The following RXFP1 variants were observed in gnomAD, a reference collection of about 807,000 sequenced individuals.
The protein encoded by RXFP1 is relaxin receptor 1.
Under a neutral mutation model 89.8 loss-of-function variants are expected in RXFP1, and 73 were observed. That is an observed-to-expected ratio of 0.81 (90% CI 0.67 to 0.99). RXFP1 has a LOEUF of 0.99. RXFP1 is among the 50% of genes least tolerant of loss of function. The probability of loss-of-function intolerance (pLI) is 0.00; values close to 1 mark genes in which losing one functional copy is unlikely to be tolerated. For missense variants in RXFP1, 793 were observed against 895.5 expected (o/e 0.89, Z 1.46); for synonymous variants, 277 against 305.5 (o/e 0.91, Z 0.97).
At chr4:158,570,665 A>G (rs1448586136) in intron 1 of RXFP1, among the ~76,000 whole-genome samples, 1 of 151,084 alleles carries the variant, frequency 6.6e-6, no homozygotes, top group African/African-American at 2.4e-5. Context: ...TTTCCCTCCT[A>G]CCCTCCCCTC....
chr4:158,648,824 A>C (rs1772068259), intron 17 of RXFP1, 107 bp downstream of exon 17: 3 of 735,094 alleles, frequency 4.1e-6, no homozygotes, highest in Non-Finnish European at 6.5e-6. Flanking sequence ...AAAGAATTGT[A>C]CATCAGATCC....
chr4:158,633,586 A>G (rs760959610), intron 12 of RXFP1, 110 bp downstream of exon 12: 2 of 606,074 alleles, frequency 3.3e-6, no homozygotes, highest in Non-Finnish European at 2.8e-6. Context: ...GTTGAGTAGC[A>G]TTAGCTACAT....
intron 14 of RXFP1, among the ~76,000 whole-genome samples, chr4:158,639,851 C>A (rs1037810636): frequency 3.3e-5 from 5 of 151,932 alleles, no homozygotes; most frequent in Non-Finnish European, 7.4e-5. Flanking sequence ...CAGAGTGAGA[C>A]TCCATCTCAA....
At position 158,647,094 on chromosome 4, in the gene RXFP1, A is replaced by G; in HGVS notation, c.1649A>G (p.Lys550Arg). Residue 550 changes from lysine to arginine, a missense_variant, in exon 16 of 18, where the codon AAG becomes AGG. Physicochemically the swap from Lys to Arg is conservative, Grantham distance 26 (BLOSUM62 2). Transcript: ENST00000307765. ...FIVAFIPLSN[K>R]EFFKNYYGTN... is the part of the protein sequence containing the mutation. The stretch of plus-strand genomic sequence containing the variant: ...GTGGCTTTCATTCCATTGAGCAATA[A>G]GGAATTTTTCAAAAACTACTATGGC... The G allele has an allele frequency of 6.2e-7, 1 of 1,614,144 alleles. No individual in the cohort carries two copies.
rs563864248 is a variant in RXFP1, at chr4:158,644,542, C to T, written c.1116-367C>T. On this transcript the variant is annotated intron_variant, in intron 14 of 17. Coordinates refer to ENST00000307765, the MANE Select transcript of RXFP1 (RefSeq NM_021634.4). ...TCCCCTGAGGGATAGAAAGCAGTCA[C>T]TTGCAGCACAATAGGAGCTGTGTAA... is the stretch of plus-strand genomic sequence containing the variant. Among the ~76,000 whole-genome samples the T allele has an allele frequency of 1.1e-4, 17 of 152,284 alleles. No homozygotes were observed. In the South Asian group the frequency reaches 2.7e-3, roughly 24 times the overall value.
intron 2 of RXFP1, 184 bp downstream of exon 2, chr4:158,573,019 T>A: frequency 1.2e-6 from 1 of 843,194 alleles, no homozygotes; most frequent in Non-Finnish European, 1.6e-6. Flanking sequence ...CTTGTTTTTG[T>A]TTTTTTTTGA....
At chr4:158,605,841 T>C (rs931745720) in intron 5 of RXFP1, among the ~76,000 whole-genome samples, 2 of 152,224 alleles carry the variant, frequency 1.3e-5, no homozygotes, top group African/African-American at 4.8e-5. Context: ...TCAGGATTCA[T>C]TGTTTCATTT....
intron 2 of RXFP1, among the ~76,000 whole-genome samples, chr4:158,581,814 G>A (rs1249114049): frequency 6.6e-6 from 1 of 152,188 alleles, no homozygotes; most frequent in Non-Finnish European, 1.5e-5. Flanking sequence ...ATGAAGAAAA[G>A]AGGTTTATTT....
intron 9 of RXFP1, among the ~76,000 whole-genome samples, chr4:158,618,794 T>C (rs1451470433): frequency 6.6e-6 from 1 of 152,046 alleles, no homozygotes; most frequent in Non-Finnish European, 1.5e-5. Flanking sequence ...AACTGAAACC[T>C]ATATTAGTTC....
chr4:158,639,893 G>T (rs1296712122), intron 14 of RXFP1, among the ~76,000 whole-genome samples: 1 of 151,998 alleles, frequency 6.6e-6, no homozygotes, highest in East Asian at 1.9e-4. Context: ...AAGAGACTCT[G>T]GAGACGACCC....
intron 1 of RXFP1, among the ~76,000 whole-genome samples, chr4:158,558,406 C>T (rs1292628113): frequency 6.6e-6 from 1 of 152,166 alleles, no homozygotes; most frequent in East Asian, 1.9e-4. Flanking sequence ...AACAGAGATT[C>T]TCAGTAGAGA....
At chr4:158,604,925 T>G (rs1762305267) in intron 4 of RXFP1, 143 bp from the exon 5 acceptor site, 1 of 466,344 alleles carries the variant, frequency 2.1e-6, no homozygotes, top group Non-Finnish European at 3.9e-6. Flanking sequence ...TCAAGTGATA[T>G]GATAAATATG....
At chr4:158,573,075 C>G (rs1755449708) in intron 2 of RXFP1, 1 of 369,412 alleles carries the variant, frequency 2.7e-6, no homozygotes, top group Non-Finnish European at 4.7e-6. Flanking sequence ...GTGGCGTGAT[C>G]TCGGCTCACT....
At chr4:158,530,588 T>C (rs1743776432) in intron 1 of RXFP1, among the ~76,000 whole-genome samples, 1 of 152,228 alleles carries the variant, frequency 6.6e-6, no homozygotes, top group Admixed American at 6.5e-5. Flanking sequence ...CTCACACATT[T>C]CAAACTTAGA....
intron 10 of RXFP1, among the ~76,000 whole-genome samples, chr4:158,627,884 C>T (rs1012611054): frequency 4.9e-4 from 75 of 152,044 alleles, no homozygotes; most frequent in African/African-American, 1.8e-3. Flanking sequence ...TTCTATTGTA[C>T]TTGTATTTAT....
At chr4:158,559,160 G>A (rs2149928581) in intron 1 of RXFP1, among the ~76,000 whole-genome samples, 1 of 152,104 alleles carries the variant, frequency 6.6e-6, no homozygotes, top group Admixed American at 6.6e-5. Context: ...TAAAATTCTG[G>A]CTGGGCACAG....
At chr4:158,631,416 C>T (rs1767999945) in intron 11 of RXFP1, among the ~76,000 whole-genome samples, 1 of 152,188 alleles carries the variant, frequency 6.6e-6, no homozygotes, top group Non-Finnish European at 1.5e-5. Flanking sequence ...GAGCTAGGCA[C>T]TGGGTAGCCC....
At chr4:158,603,616 G>A (rs1472211323) in intron 4 of RXFP1, among the ~76,000 whole-genome samples, 8 of 151,890 alleles carry the variant, frequency 5.3e-5, no homozygotes, top group Admixed American at 3.9e-4. Context: ...ATACGGACAG[G>A]CGCAGTGGCT....
rs1431589995 is a variant in RXFP1, at chr4:158,621,225, T to C, written c.755+4020T>C. 3.9e-5 allele frequency among the ~76,000 whole-genome samples: 6 copies of C among 152,040 alleles called. No individual in the cohort carries two copies. The East Asian group carries it at 1.2e-3, about 29-fold the overall frequency. The stretch of plus-strand genomic sequence containing the variant: ...TACTCAGGAGGCTGAAGTGGGAGGA[T>C]AGCGTGAGCCTGAGAGATCAAGGCT... On this transcript the variant is annotated intron_variant, in intron 9 of 17. Transcript: ENST00000307765.
Sources: gnomAD v4.1 joint callset for allele counts (sites outside exome capture counted in the v4.1 genomes callset) on GRCh38, gnomAD v4.1.1 for gene constraint, MANE v1.5 for transcripts, NCBI Gene and HGNC (gene_info 2026-07-23, HGNC 2026-07-21) for gene names.